MSH6: variants seen among roughly 807,000 people sequenced by gnomAD.
MSH6 encodes the protein DNA mismatch repair protein Msh6.
Under a neutral mutation model 119.1 loss-of-function variants are expected in MSH6, and 85 were observed. That is an observed-to-expected ratio of 0.71 (90% confidence interval 0.60 to 0.85). The LOEUF (loss-of-function observed/expected upper bound fraction) is 0.85. Ranked by LOEUF, MSH6 falls within the 40% of genes least tolerant of loss-of-function variation. MSH6 has a pLI of 0.00. For synonymous variants in MSH6, 830 were observed against 586.9 expected, an observed-to-expected ratio of 1.41 and a Z score of -5.99; for missense variants, 2,163 against 1,655.3, an observed-to-expected ratio of 1.31 and a Z score of -5.32.
chr2:47,802,156 T>G (rs188787072), intron 4 of MSH6, among the ~76,000 whole-genome samples: 17 of 152,306 alleles, frequency 1.1e-4, no homozygotes, highest in Admixed American at 1.1e-3. Flanking sequence ...AAAGAATCAT[T>G]CCTTTTTTCT....
intron 1 of MSH6, among the ~76,000 whole-genome samples, chr2:47,790,112 TA>T (rs1292582019): frequency 1.3e-5 from 2 of 152,228 alleles, no homozygotes; most frequent in Non-Finnish European, 2.9e-5. Context: ...CTAGAATGCT[TA>T]ACTTGTATGT....
At chr2:47,791,274 G>A in intron 2 of MSH6, 151 bp downstream of exon 2, 1 of 724,156 alleles carries the variant, frequency 1.4e-6, no homozygotes, top group Admixed American at 2.3e-5. Context: ...GAAAGCTTCT[G>A]GCATGGGAAA....
chr2:47,789,289 A>T (rs1050711774), intron 1 of MSH6: 11 of 370,090 alleles, frequency 3.0e-5, no homozygotes, highest in East Asian at 1.5e-4. Flanking sequence ...TGGTATATAA[A>T]GGATAAAATG....
intron 1 of MSH6, among the ~76,000 whole-genome samples, chr2:47,786,619 C>T (rs1185184762): frequency 6.6e-6 from 1 of 152,192 alleles, no homozygotes; most frequent in Non-Finnish European, 1.5e-5. Flanking sequence ...CAGGCGTGAA[C>T]CACCGCACCT....
intron 4 of MSH6, among the ~76,000 whole-genome samples, chr2:47,802,050 T>G (rs1003821140): frequency 6.6e-6 from 1 of 152,256 alleles, no homozygotes; most frequent in African/African-American, 2.4e-5. Context: ...GAATACTGTT[T>G]CAAGGTGCTT....
In MSH6 at chr2:47,806,507, T is replaced by C. The variant is rs754443325; in HGVS notation, c.3857T>C (p.Leu1286Pro). The change falls in exon 9 of 10, where the codon CTC (leucine) becomes CCC (proline). Residue 1286 changes from leucine to proline, a missense_variant. Leu to Pro is a moderately conservative substitution (Grantham distance 98). Coordinates refer to ENST00000234420, the MANE Select transcript of MSH6 (RefSeq NM_000179.3). ...EDPSQETITFLYKFIKGACPK... is the reference protein window; with the variant it reads ...EDPSQETITFPYKFIKGACPK... ...CCCAGCCAGGAGACTATTACGTTCC[T>C]CTATAAATTCATTAAGGGAGCTTGT... 1.2e-6 allele frequency: 2 copies of C among 1,614,080 alleles called. No individual in the cohort carries two copies. The highest frequency in any genetic ancestry group is 8.5e-7 in the Non-Finnish European group (1 of 1,179,968).
At chr2:47,804,805 T>C (rs1669854726) in intron 5 of MSH6, 105 bp from the exon 6 acceptor site, 2 of 842,994 alleles carry the variant, frequency 2.4e-6, no homozygotes, top group Non-Finnish European at 4.2e-6. Context: ...ATTGTGAAAG[T>C]TGTTTTAGAG....
chr2:47,809,554 C>T (rs369083837), downstream of MSH6: 48 of 1,343,226 alleles, frequency 3.6e-5, no homozygotes, highest in Non-Finnish European at 5.0e-5. Context: ...GATTATCTTT[C>T]ATGGCATATT....
chr2:47,800,136 G>T lies in MSH6; in HGVS notation c.2153G>T (p.Ser718Ile), dbSNP rs1669427136. 1 of 1,614,192 alleles carries T rather than the reference G, an allele frequency of 6.2e-7. No individual in the cohort carries two copies. Reference protein sequence around the residue: ...EYIPLDSDTVSTTRSGAIFTK... With the variant: ...EYIPLDSDTVITTRSGAIFTK... ...ATTCCCTTGGATTCTGACACAGTCA[G>T]CACTACAAGATCTGGTGCTATCTTC... The change falls in exon 4 of 10, where the codon AGC (serine) becomes ATC (isoleucine). Residue 718 changes from serine to isoleucine, a missense_variant. Physicochemically the swap from Ser to Ile is moderately radical, Grantham distance 142 (BLOSUM62 -2). Transcript: ENST00000234420.
chr2:47,809,810 T>C (rs1670485053), downstream of MSH6: 2 of 693,838 alleles, frequency 2.9e-6, no homozygotes, highest in Admixed American at 2.5e-5. Flanking sequence ...TAGAAGTACA[T>C]TAACCCTCTT....
chr2:47,809,781 A>G (rs898468939), downstream of MSH6: 2 of 908,384 alleles, frequency 2.2e-6, no homozygotes, highest in Admixed American at 4.0e-5. Flanking sequence ...TAGCAAGCAA[A>G]TGTAAACTGC....
chr2:47,805,116 C>A (rs1362893034), intron 6 of MSH6, 89 bp downstream of exon 6: 2 of 883,186 alleles, frequency 2.3e-6, no homozygotes, highest in African/African-American at 3.3e-5. Flanking sequence ...CCTTTTAAAT[C>A]TAATATTTGA....
At position 47,783,202 on chromosome 2, in the gene MSH6, G is replaced by C; in HGVS notation, c.-32G>C. On this transcript the variant is annotated 5_prime_UTR_variant, in exon 1 of 10. Transcript: ENST00000234420. ...TGCGGTGCTTTTAGGAGCTCCGTCC[G>C]ACAGAACGGTTGGGCCTTGCCGGCT... The C allele has an allele frequency of 1.2e-6, 2 of 1,609,848 alleles. No homozygotes were observed. Among genetic ancestry groups the C allele is most frequent in the Middle Eastern group, 1.7e-4 (1 of 6,050 alleles).
At chr2:47,790,175 A>G (rs1000716886) in intron 1 of MSH6, among the ~76,000 whole-genome samples, 3 of 152,164 alleles carry the variant, frequency 2.0e-5, no homozygotes, top group African/African-American at 4.8e-5. Context: ...TAATCCCAGC[A>G]CTTTGAGAGG....
At position 47,803,515 on chromosome 2, in the gene MSH6, G is replaced by C. The variant is rs143477948; in HGVS notation, c.3268G>C (p.Glu1090Gln). The C allele has an allele frequency of 1.2e-6, 2 of 1,614,036 alleles. No homozygotes were observed. Among genetic ancestry groups the C allele is most frequent in the Non-Finnish European group, 1.7e-6 (2 of 1,180,028 alleles). ...GCCGGAAGATACCCCCCCCTTCTTAGAGCTTAAAGGATCACGCCATCCTTG... is the reference window on the plus strand; with the variant it reads ...GCCGGAAGATACCCCCCCCTTCTTACAGCTTAAAGGATCACGCCATCCTTG... ...LLPEDTPPFLELKGSRHPCIT... is the reference protein window; with the variant it reads ...LLPEDTPPFLQLKGSRHPCIT... The change falls in exon 5 of 10, where the codon GAG becomes CAG. Residue 1090 changes from glutamate (E) to glutamine (Q), a missense_variant. Transcript: ENST00000234420.
Position 47,800,402 on chromosome 2 carries a change from G to A in MSH6, c.2419G>A (p.Glu807Lys), listed in dbSNP as rs587779923. The stretch of plus-strand genomic sequence containing the variant: ...CATGGTTGTGCCTGACAAAATCTCC[G>A]AAGTTGTAGAGCTTCTAAAGAAGCT... Reference protein sequence around the residue: ...DLMVVPDKISEVVELLKKLPD... With the variant: ...DLMVVPDKISKVVELLKKLPD... The change falls in exon 4 of 10, where the codon GAA (glutamate) becomes AAA (lysine). Residue 807 changes from glutamate to lysine, a missense_variant. Physicochemically the swap from Glu to Lys is moderately conservative, Grantham distance 56. Coordinates refer to ENST00000234420, the MANE Select transcript of MSH6 (RefSeq NM_000179.3). 28 of 1,613,896 alleles carry A rather than the reference G, an allele frequency of 1.7e-5. 1 individual carries two copies. In the Middle Eastern group the frequency reaches 6.6e-4, roughly 38 times the overall value.
At chr2:47,809,936 G>C (rs1670500094), downstream of MSH6, 2 of 517,166 alleles carry the variant, frequency 3.9e-6, no homozygotes, top group African/African-American at 2.0e-5. Context: ...CTGTCTTAAA[G>C]TTTAAATACA....
rs757741943 is a variant in MSH6, at chr2:47,800,018, T to C, written c.2035T>C (p.Leu679=). ...IGLTPGEKSE[L]ALSALGGCVF... is the part of the protein sequence containing the mutation. ...GTTGACACCAGGAGAGAAAAGTGAA[T>C]TGGCCCTCTCTGCTCTAGGTGGTTG... The change falls in exon 4 of 10, where the codon TTG becomes CTG. Residue 679 remains leucine, a synonymous_variant. Transcript: ENST00000234420. 2.5e-6 allele frequency: 4 copies of C among 1,614,090 alleles called. No homozygotes were observed. Among genetic ancestry groups the C allele is most frequent in the African/African-American group, 1.3e-5 (1 of 75,030 alleles).
rs3136346 is a variant in MSH6, at chr2:47,802,974, C to T, written c.3173-446C>T. Among the ~76,000 whole-genome samples, 113 of 152,136 alleles carry T rather than the reference C, an allele frequency of 7.4e-4. No individual in the cohort carries two copies. In the Middle Eastern group the frequency reaches 0.017, roughly 23 times the overall value. Reference sequence around the variant, plus strand: ...TCGCCCAGGCTGGAGTGCATTGGTGCGATCTTGGCTCATTGCAACCTCTGC... The same window carrying T: ...TCGCCCAGGCTGGAGTGCATTGGTGTGATCTTGGCTCATTGCAACCTCTGC... On this transcript the variant is annotated intron_variant, in intron 4 of 9. Coordinates refer to ENST00000234420, the MANE Select transcript of MSH6 (RefSeq NM_000179.3).
Sources: gnomAD v4.1 joint callset for allele counts (sites outside exome capture counted in the v4.1 genomes callset) on GRCh38, gnomAD v4.1.1 for gene constraint, MANE v1.5 for transcripts, NCBI Gene and HGNC (gene_info 2026-07-23, HGNC 2026-07-21) for gene names.